The following PAX5 variants were observed in gnomAD, a reference collection of about 807,000 sequenced individuals.
PAX5 encodes the protein paired box protein Pax-5.
A neutral mutation model predicts 43.7 loss-of-function variants in PAX5; 9 were observed. The observed-to-expected ratio is 0.21, with a 90% CI of 0.12 to 0.36. The LOEUF (loss-of-function observed/expected upper bound fraction) is 0.36. PAX5 is among the 10% of genes least tolerant of loss of function. The pLI is 1.00. For synonymous variants in PAX5, 228 were observed against 214.3 expected (o/e 1.06, Z -0.56); for missense variants, 383 against 532.7 (o/e 0.72, Z 2.77).
intron 1 of PAX5, among the ~76,000 whole-genome samples, chr9:37,033,666 C>T (rs1026155047): frequency 1.3e-5 from 2 of 151,672 alleles, no homozygotes; most frequent in African/African-American, 4.8e-5. Context: ...TATATTTTTA[C>T]ATCTTTTAAA....
chr9:36,930,042 A>G (rs955204584), intron 6 of PAX5, among the ~76,000 whole-genome samples: 1 of 150,688 alleles, frequency 6.6e-6, no homozygotes, highest in Non-Finnish European at 1.5e-5. Flanking sequence ...AGACTCTTAT[A>G]AGACCTCAAG....
At chr9:37,002,487 C>T (rs1161538898) in intron 5 of PAX5, among the ~76,000 whole-genome samples, 161 bp downstream of exon 5, 1 of 152,248 alleles carries the variant, frequency 6.6e-6, no homozygotes, top group Non-Finnish European at 1.5e-5. Flanking sequence ...GGGCTCAGCC[C>T]TTTCCCGTGT....
chr9:36,899,176 G>A (rs570835013), intron 7 of PAX5, among the ~76,000 whole-genome samples: 7 of 152,078 alleles, frequency 4.6e-5, no homozygotes, highest in South Asian at 2.1e-4. Flanking sequence ...CCTGGCAGGC[G>A]CCAGGCAAAT....
At chr9:37,006,046 C>G (rs113617300) in intron 4 of PAX5, among the ~76,000 whole-genome samples, 431 of 152,272 alleles carry the variant, frequency 2.8e-3, no homozygotes, top group African/African-American at 9.8e-3. Context: ...CATCTTCACT[C>G]AAGACTGCAA....
At position 36,866,747 on chromosome 9, in the gene PAX5, A is replaced by G. The variant is rs142594267; in HGVS notation, c.1012+15257T>C. 4.7e-3 allele frequency among the ~76,000 whole-genome samples: 722 copies of G among 152,210 alleles called. 4 individuals carry two copies. Among genetic ancestry groups the G allele is most frequent in the Non-Finnish European group, 7.7e-3 (524 of 67,998 alleles). ...CCTCTGACTTGCCATATGACTTTGAACAAGTCCTTTCCTCATCCTCATCTG... is the reference window on the plus strand; with the variant it reads ...CCTCTGACTTGCCATATGACTTTGAGCAAGTCCTTTCCTCATCCTCATCTG... On this transcript the variant is annotated intron_variant, in intron 8 of 9. Coordinates refer to ENST00000358127, the MANE Select transcript of PAX5 (RefSeq NM_016734.3).
chr9:36,941,342 T>G (rs1057486945), intron 6 of PAX5, among the ~76,000 whole-genome samples: 2 of 152,224 alleles, frequency 1.3e-5, no homozygotes, highest in African/African-American at 4.8e-5. Flanking sequence ...CTATCTATTC[T>G]TTTTACTACC....
At chr9:36,893,198 C>A (rs1019679332) in intron 7 of PAX5, among the ~76,000 whole-genome samples, 1 of 152,212 alleles carries the variant, frequency 6.6e-6, no homozygotes, top group African/African-American at 2.4e-5. Flanking sequence ...TAATAATGAA[C>A]CAAGATGTAT....
intron 6 of PAX5, among the ~76,000 whole-genome samples, chr9:36,935,327 C>T (rs1347203344): frequency 2.0e-5 from 3 of 152,070 alleles, no homozygotes; most frequent in South Asian, 4.2e-4. Flanking sequence ...TTGCAGTGAG[C>T]GGAGATTGTG....
At chr9:36,903,541 GC>G (rs1563950180) in intron 7 of PAX5, among the ~76,000 whole-genome samples, 2 of 152,224 alleles carry the variant, frequency 1.3e-5, no homozygotes, top group Admixed American at 1.3e-4. Context: ...GGGGCTGAGA[GC>G]CCTGAGGCTG....
Position 36,897,340 on chromosome 9 carries a change from G to A in PAX5, c.911-15235C>T, listed in dbSNP as rs562464519. Reference sequence around the variant, plus strand: ...CTCGAAGGATGCTAAAGTTCAACCAGTTTGGGGGAGGGGTCGATCTGTTCC... The same window carrying A: ...CTCGAAGGATGCTAAAGTTCAACCAATTTGGGGGAGGGGTCGATCTGTTCC... On this transcript the variant is annotated intron_variant, in intron 7 of 9. Coordinates refer to ENST00000358127, the MANE Select transcript of PAX5 (RefSeq NM_016734.3). 5.9e-5 allele frequency among the ~76,000 whole-genome samples: 9 copies of A among 152,274 alleles called. No individual in the cohort carries two copies. In the East Asian group the frequency reaches 1.7e-3, roughly 29 times the overall value.
At chr9:36,926,568 G>A (rs1247588071) in intron 6 of PAX5, among the ~76,000 whole-genome samples, 3 of 152,192 alleles carry the variant, frequency 2.0e-5, no homozygotes, top group Admixed American at 2.0e-4. Context: ...AATGAATCGG[G>A]CATGAATTTA....
intron 5 of PAX5, among the ~76,000 whole-genome samples, chr9:36,973,300 C>A (rs946288986): frequency 6.6e-6 from 1 of 152,122 alleles, no homozygotes; most frequent in Admixed American, 6.6e-5. Context: ...TGCTTGTAAC[C>A]ACAGGCCTCT....
intron 5 of PAX5, among the ~76,000 whole-genome samples, chr9:36,999,208 C>T (rs1837645659): frequency 6.6e-6 from 1 of 152,194 alleles, no homozygotes; most frequent in Non-Finnish European, 1.5e-5. Flanking sequence ...CGTGCTGGTC[C>T]TCTCCCTGCA....
chr9:36,920,154 A>T (rs1830049533), intron 7 of PAX5, among the ~76,000 whole-genome samples: 1 of 152,242 alleles, frequency 6.6e-6, no homozygotes, highest in African/African-American at 2.4e-5. Context: ...ACTCCTGGTG[A>T]AGATACTGTG....
intron 5 of PAX5, among the ~76,000 whole-genome samples, chr9:36,982,902 T>G (rs547941983): frequency 5.0e-4 from 76 of 152,110 alleles, no homozygotes; most frequent in Non-Finnish European, 9.7e-4. Context: ...TTCCAGTGGT[T>G]GTCGGTAAGC....
chr9:36,976,737 C>T (rs759251589), intron 5 of PAX5, among the ~76,000 whole-genome samples: 4 of 152,198 alleles, frequency 2.6e-5, no homozygotes, highest in African/African-American at 7.2e-5. Flanking sequence ...TTGCCAAATA[C>T]GTTCAGGTTT....
chr9:36,838,510 T>C lies in PAX5; in HGVS notation c.*2050A>G, dbSNP rs1187227560. On this transcript the variant is annotated 3_prime_UTR_variant, in exon 10 of 10. Transcript: ENST00000358127. ...GTGGGGGACTTAGGGAACAAAATAC[T>C]TAGCGGTGGCCAGAGGAAGTCTGCT... 4.3e-6 allele frequency: 1 copy of C among 232,636 alleles called. No homozygotes were observed. Among genetic ancestry groups the C allele is most frequent in the Non-Finnish European group, 8.5e-6 (1 of 117,756 alleles). 14.4% of individuals were successfully genotyped at this position (232,636 alleles called of 1,614,324 possible).
intron 1 of PAX5, among the ~76,000 whole-genome samples, chr9:37,025,071 G>T (rs899410238): frequency 6.6e-6 from 1 of 152,236 alleles, no homozygotes; most frequent in Admixed American, 6.5e-5. Context: ...AGAAAAGGCT[G>T]TGGAGGGCAC....
chr9:36,881,897 C>T, intron 8 of PAX5, 107 bp downstream of exon 8: 1 of 830,598 alleles, frequency 1.2e-6, no homozygotes, highest in South Asian at 1.5e-5. Context: ...TTATTCAGGT[C>T]CGCTTCTCAG....
Sources: gnomAD v4.1 joint callset for allele counts (sites outside exome capture counted in the v4.1 genomes callset) on GRCh38, gnomAD v4.1.1 for gene constraint, MANE v1.5 for transcripts, NCBI Gene and HGNC (gene_info 2026-07-23, HGNC 2026-07-21) for gene names.